Variants in ATXN7L1 observed in about 807,000 individuals in gnomAD.
ATXN7L1 encodes ataxin-7-like protein 1.
ATXN7L1 carries 15 observed loss-of-function variants against 70.8 expected under a neutral mutation model. The observed-to-expected ratio is 0.21, with a 90% CI of 0.14 to 0.33. ATXN7L1 has a LOEUF of 0.33. Among genes scored for constraint, ATXN7L1 ranks in the 10% least tolerant of loss-of-function variants. The pLI is 1.00. For missense variants in ATXN7L1, 975 were observed against 1,097.1 expected (o/e 0.89, Z 1.57); for synonymous variants, 440 against 445.1 (o/e 0.99, Z 0.14).
At chr7:105,868,260 A>G (rs1817766082) in intron 2 of ATXN7L1, among the ~76,000 whole-genome samples, 1 of 152,072 alleles carries the variant, frequency 6.6e-6, no homozygotes, top group Non-Finnish European at 1.5e-5. Flanking sequence ...TCCCTATCAG[A>G]GCACTCATCG....
intron 2 of ATXN7L1, among the ~76,000 whole-genome samples, chr7:105,832,969 C>A (rs549849379): frequency 2.6e-5 from 4 of 152,162 alleles, no homozygotes; most frequent in Admixed American, 6.5e-5. Flanking sequence ...ACCTTTACCC[C>A]AGAAGAGCAG....
chr7:105,701,015 T>C (rs117638226), intron 3 of ATXN7L1, among the ~76,000 whole-genome samples: 1,978 of 152,314 alleles, frequency 0.013, 22 homozygotes, highest in Non-Finnish European at 0.022. Context: ...CCTCCTAGTG[T>C]ACACTTTAAC....
chr7:105,823,684 T>A (rs1810469475), intron 2 of ATXN7L1, among the ~76,000 whole-genome samples: 2 of 152,134 alleles, frequency 1.3e-5, no homozygotes, highest in Admixed American at 1.3e-4. Flanking sequence ...AAAATGATGG[T>A]AAAGAAGTGA....
intron 2 of ATXN7L1, among the ~76,000 whole-genome samples, chr7:105,828,493 A>G (rs56994060): frequency 0.32 from 48,842 of 152,084 alleles, 8,631 homozygotes; most frequent in East Asian, 0.72. Context: ...AAAATACAAC[A>G]AAGTCCCAGA....
At chr7:105,772,841 C>T (rs1283999362) in intron 3 of ATXN7L1, among the ~76,000 whole-genome samples, 1 of 152,114 alleles carries the variant, frequency 6.6e-6, no homozygotes, top group East Asian at 1.9e-4. Context: ...ATCTAAATTA[C>T]AAAATATACA....
intron 2 of ATXN7L1, among the ~76,000 whole-genome samples, chr7:105,836,059 C>G (rs1288299053): frequency 6.6e-6 from 1 of 152,180 alleles, no homozygotes; most frequent in Non-Finnish European, 1.5e-5. Context: ...GAAGAAGCAG[C>G]TGGCACGCGC....
chr7:105,873,009 C>A (rs1013692052), intron 2 of ATXN7L1, among the ~76,000 whole-genome samples: 1 of 152,098 alleles, frequency 6.6e-6, no homozygotes, highest in African/African-American at 2.4e-5. Context: ...AAAAAATCAG[C>A]CGGGCTTGGT....
intron 2 of ATXN7L1, among the ~76,000 whole-genome samples, chr7:105,869,314 A>C (rs1817910853): frequency 6.6e-6 from 1 of 152,246 alleles, no homozygotes; most frequent in African/African-American, 2.4e-5. Context: ...ATTAATGGTA[A>C]AAATGAGGTT....
chr7:105,645,690 G>A (rs1229188756), intron 4 of ATXN7L1, among the ~76,000 whole-genome samples: 1 of 151,634 alleles, frequency 6.6e-6, no homozygotes, highest in Non-Finnish European at 1.5e-5. Flanking sequence ...GCGGGCGCCT[G>A]TAGTCCCAGC....
In ATXN7L1 at chr7:105,818,916, A is replaced by G. The variant is rs564736626; in HGVS notation, c.251-30208T>C. Among the ~76,000 whole-genome samples, 107 of 150,070 alleles carry G rather than the reference A, an allele frequency of 7.1e-4. 1 individual carries two copies. The Middle Eastern group carries it at 0.01, about 14-fold the overall frequency. On this transcript the variant is annotated intron_variant, in intron 2 of 11. Coordinates refer to ENST00000419735, the MANE Select transcript of ATXN7L1 (RefSeq NM_020725.2). ...GCATTTTTTTTTTTTTTTAAGTTCT[A>G]GGGTACATGTGCACAATGTACAGGT...
chr7:105,663,835 G>A lies in ATXN7L1; in HGVS notation c.578+1231C>T, dbSNP rs184443625. Among the ~76,000 whole-genome samples the A allele has an allele frequency of 1.4e-4, 21 of 152,032 alleles. No individual in the cohort carries two copies. The East Asian group carries it at 3.9e-3, about 28-fold the overall frequency. On this transcript the variant is annotated intron_variant, in intron 4 of 11. Transcript: ENST00000419735. The stretch of plus-strand genomic sequence containing the variant: ...GGCTGGAGCGCAGTGGCACAATCTC[G>A]GCTCGCTGCAACCTCTGCCTCCCGG...
chr7:105,696,774 C>G (rs1236654614), intron 3 of ATXN7L1, among the ~76,000 whole-genome samples: 1 of 152,214 alleles, frequency 6.6e-6, no homozygotes, highest in Non-Finnish European at 1.5e-5. Flanking sequence ...CTCAGTACAT[C>G]CACCCCACGG....
intron 3 of ATXN7L1, among the ~76,000 whole-genome samples, chr7:105,770,963 AG>A (rs931694792): frequency 6.6e-6 from 1 of 152,058 alleles, no homozygotes; most frequent in African/African-American, 2.4e-5. Flanking sequence ...GAACTTTGGG[AG>A]GCCGAGGCAG....
intron 3 of ATXN7L1, among the ~76,000 whole-genome samples, chr7:105,729,430 CTTTTT>C (rs34133732): frequency 1.5e-5 from 2 of 130,306 alleles, no homozygotes; most frequent in African/African-American, 3.0e-5. Context: ...ATCCCTACTT[CTTTTT>C]TTTTTTTTTT....
At chr7:105,627,597 C>A (rs1339485824) in intron 7 of ATXN7L1, among the ~76,000 whole-genome samples, 2 of 149,348 alleles carry the variant, frequency 1.3e-5, no homozygotes, top group Non-Finnish European at 3.0e-5. Context: ...AGTGGTGCGA[C>A]CTCGGCTCAC....
At chr7:105,848,165 ATAAGAATGAAAAC>A (rs1459407962) in intron 2 of ATXN7L1, among the ~76,000 whole-genome samples, 2 of 152,272 alleles carry the variant, frequency 1.3e-5, no homozygotes, top group African/African-American at 4.8e-5. Context: ...ATTAGTAATC[ATAAGAATGAAAAC>A]TAAAATAAGA....
intron 3 of ATXN7L1, among the ~76,000 whole-genome samples, chr7:105,759,098 A>G (rs1800177665): frequency 6.6e-6 from 1 of 151,304 alleles, no homozygotes; most frequent in African/African-American, 2.4e-5. Context: ...TGTTAAATAT[A>G]TAATAAATAT....
chr7:105,766,623 C>T (rs6965351), intron 3 of ATXN7L1, among the ~76,000 whole-genome samples: 10,701 of 152,222 alleles, frequency 0.07, 1,239 homozygotes, highest in African/African-American at 0.24. Flanking sequence ...GTTACAACCC[C>T]GAAGCCAGGG....
intron 4 of ATXN7L1, among the ~76,000 whole-genome samples, chr7:105,644,086 A>G (rs770280439): frequency 2.0e-5 from 3 of 152,206 alleles, no homozygotes; most frequent in Non-Finnish European, 2.9e-5. Flanking sequence ...AGTGAAGCCT[A>G]CTTAGCTATT....
Sources: allele counts gnomAD v4.1 joint callset (sites outside exome capture counted in the v4.1 genomes callset), GRCh38; gene constraint gnomAD v4.1.1; transcripts MANE v1.5; gene names NCBI Gene and HGNC (gene_info 2026-07-23, HGNC 2026-07-21).